Variants in PADI2 observed in about 807,000 individuals in gnomAD.
PADI2 encodes peptidyl arginine deiminase 2.
PADI2 carries 70 observed loss-of-function variants against 81.1 expected under a neutral mutation model. That is an observed-to-expected ratio of 0.86 (90% confidence interval 0.71 to 1.05). PADI2 has a LOEUF of 1.05. Ranked by LOEUF, PADI2 falls within the 50% of genes least tolerant of loss-of-function variation. The pLI, the probability that PADI2 is intolerant of heterozygous loss-of-function variation, is 0.00. For synonymous variants in PADI2, 338 were observed against 358.0 expected (o/e 0.94, Z 0.63); for missense variants, 853 against 889.9 (o/e 0.96, Z 0.53).
chr1:17,079,480 C>A (rs1035484637), intron 10 of PADI2, 65 bp from the exon 11 acceptor site: 1 of 1,403,382 alleles, frequency 7.1e-7, no homozygotes. Context: ...CCAAGCCAGC[C>A]ACCCTCTTTT....
intron 3 of PADI2, among the ~76,000 whole-genome samples, chr1:17,101,206 T>C (rs1220156846): frequency 1.3e-5 from 2 of 152,188 alleles, no homozygotes; most frequent in Admixed American, 1.3e-4. Flanking sequence ...TGAGCGGGCT[T>C]CCTCTAAGCA....
chr1:17,079,038 G>C, intron 11 of PADI2: 1 of 396,174 alleles, frequency 2.5e-6, no homozygotes, highest in Non-Finnish European at 4.6e-6. Context: ...TTCCACTTGG[G>C]GAAAAGAGTT....
intron 13 of PADI2, among the ~76,000 whole-genome samples, chr1:17,072,063 C>G (rs1483227596): frequency 6.6e-6 from 1 of 152,200 alleles, no homozygotes; most frequent in African/African-American, 2.4e-5. Context: ...TGGATCCTCC[C>G]CACATTTCTA....
chr1:17,101,544 G>C (rs1212107826), intron 3 of PADI2, among the ~76,000 whole-genome samples: 1 of 152,084 alleles, frequency 6.6e-6, no homozygotes. Flanking sequence ...CCCTCACCAA[G>C]GTCATCCCGA....
Position 17,088,925 on chromosome 1 carries a change from A to AACAAC in PADI2, c.656-2227_656-2226insGTTGT, listed in dbSNP as rs1553182383. ...CCATCTCAAAAAAAAAAAAAAAAAA[A>AACAAC]AAAAAACCAAGCCTCAGAGAATTCA... On this transcript the variant is annotated intron_variant, in intron 6 of 15. Transcript: ENST00000375486. Among the ~76,000 whole-genome samples, 25 of 83,392 alleles carry AACAAC rather than the reference A, an allele frequency of 3.0e-4. 1 individual carries two copies. In the South Asian group the frequency reaches 3.1e-3, roughly 10 times the overall value. 54.7% of individuals were successfully genotyped at this position (83,392 alleles called of 152,430 possible). A position where few individuals can be genotyped will look rare whatever the true frequency, so the allele number is the denominator to read the frequency against.
intron 1 of PADI2, among the ~76,000 whole-genome samples, chr1:17,109,090 G>C (rs919073278): frequency 6.6e-5 from 10 of 152,066 alleles, no homozygotes; most frequent in African/African-American, 2.2e-4. Flanking sequence ...GAAGGCTCTG[G>C]AAAGCTGGGG....
In PADI2 at chr1:17,119,124, G is replaced by A. The variant is rs1931854568; in HGVS notation, c.92+156C>T. ...GGACACAAGGTTCGGGGGTTGTCAG[G>A]TTTCTGGATGAGATTCTTAGGATTT... On this transcript the variant is annotated intron_variant, in intron 1 of 15. Coordinates refer to ENST00000375486, the MANE Select transcript of PADI2 (RefSeq NM_007365.3). The surrounding 1 kb of genome is among the most constrained non-coding windows in gnomAD (Gnocchi z 4.8). Among the ~76,000 whole-genome samples the A allele has an allele frequency of 6.6e-6, 1 of 152,070 alleles. No homozygotes were observed. The highest frequency in any genetic ancestry group is 1.5e-5 in the Non-Finnish European group (1 of 68,002).
At chr1:17,101,748 AC>A (rs550248663) in intron 3 of PADI2, among the ~76,000 whole-genome samples, 13 of 150,580 alleles carry the variant, frequency 8.6e-5, no homozygotes, top group African/African-American at 3.2e-4. Context: ...AGATTCTGAG[AC>A]CCCCCCTGAG....
intron 5 of PADI2, 82 bp from the exon 6 acceptor site, chr1:17,092,615 G>T: frequency 7.7e-7 from 1 of 1,305,654 alleles, no homozygotes; most frequent in South Asian, 1.6e-5. Context: ...TTGATAATCA[G>T]GAAAAAATCC....
chr1:17,106,860 T>C (rs1015289341), intron 1 of PADI2, among the ~76,000 whole-genome samples: 43 of 152,026 alleles, frequency 2.8e-4, no homozygotes, highest in African/African-American at 1.0e-3. Flanking sequence ...GGAAAGATCT[T>C]GTGAGGACGC....
chr1:17,103,814 T>TAA (rs11378857), intron 2 of PADI2, among the ~76,000 whole-genome samples: 23,682 of 130,646 alleles, frequency 0.18, 2,577 homozygotes, highest in African/African-American at 0.27. Context: ...GACCTGTCTC[T>TAA]AAAAAAAAAA....
chr1:17,074,329 T>G (rs1164094369), intron 13 of PADI2, among the ~76,000 whole-genome samples: 5 of 150,186 alleles, frequency 3.3e-5, no homozygotes, highest in African/African-American at 1.2e-4. Context: ...GAGGCGGAGG[T>G]TGTAGTGAGC....
intron 3 of PADI2, among the ~76,000 whole-genome samples, chr1:17,098,219 C>T (rs1931015469): frequency 1.3e-5 from 2 of 152,166 alleles, no homozygotes; most frequent in African/African-American, 4.8e-5. Context: ...AAAGCCCAGC[C>T]CAAAGTCAAA....
chr1:17,088,906 C>CAAA (rs753463253), intron 6 of PADI2, among the ~76,000 whole-genome samples: 1 of 38,816 alleles, frequency 2.6e-5, no homozygotes, highest in African/African-American at 9.1e-5. Flanking sequence ...GACTCCATCT[C>CAAA]AAAAAAAAAA....
At chr1:17,074,071 T>C (rs1401252896) in intron 13 of PADI2, among the ~76,000 whole-genome samples, 2 of 152,142 alleles carry the variant, frequency 1.3e-5, no homozygotes, top group African/African-American at 4.8e-5. Flanking sequence ...AGATTGCACA[T>C]CAGTTTCCTT....
In PADI2 at chr1:17,083,793, AC is replaced by A; in HGVS notation, c.982del (p.Val328TrpfsTer8). 6.2e-7 allele frequency: 1 copy of A among 1,613,634 alleles called. No homozygotes were observed. The highest frequency in any genetic ancestry group is 8.5e-7 in the Non-Finnish European group (1 of 1,179,580). ...YLFLKEVKNL[V>X]EKTNCELKVC... is the part of the protein sequence containing the mutation. Reference sequence around the variant, plus strand: ...CTTCAGCTCACAGTTGGTTTTCTCCACAAGGTTCTTCACCTCTTTCAGGAAC... The same window carrying A: ...CTTCAGCTCACAGTTGGTTTTCTCCAAAGGTTCTTCACCTCTTTCAGGAAC... On this transcript the variant is annotated frameshift_variant, in exon 9 of 16. Transcript: ENST00000375486. LOFTEE classifies it high-confidence loss of function.
Position 17,089,537 on chromosome 1 carries a change from G to A in PADI2, c.656-2838C>T, listed in dbSNP as rs190743886. On this transcript the variant is annotated intron_variant, in intron 6 of 15. Coordinates refer to ENST00000375486, the MANE Select transcript of PADI2 (RefSeq NM_007365.3). Reference sequence around the variant, plus strand: ...TCTGGCCAGGGGTGGTGGGGCAGGTGGAGGACACGTTCTAGTCCGTCTGCC... The same window carrying A: ...TCTGGCCAGGGGTGGTGGGGCAGGTAGAGGACACGTTCTAGTCCGTCTGCC... 5.6e-3 allele frequency among the ~76,000 whole-genome samples: 849 copies of A among 152,290 alleles called. 4 individuals carry two copies. Among genetic ancestry groups the A allele is most frequent in the Middle Eastern group, 0.017 (5 of 294 alleles).
intron 1 of PADI2, among the ~76,000 whole-genome samples, chr1:17,110,560 T>C (rs1569595231): frequency 6.6e-6 from 1 of 152,192 alleles, no homozygotes; most frequent in African/African-American, 2.4e-5. Context: ...TGCCTACCCA[T>C]ACAAGAATAT....
intron 6 of PADI2, among the ~76,000 whole-genome samples, chr1:17,090,744 C>T (rs764491465): frequency 2.0e-5 from 3 of 151,934 alleles, no homozygotes; most frequent in East Asian, 1.9e-4. Context: ...CTCCAAGGGA[C>T]GTTCTCAAAG....
Sources: gnomAD v4.1 joint callset for allele counts (sites outside exome capture counted in the v4.1 genomes callset) on GRCh38, gnomAD v4.1.1 for gene constraint, Gnocchi (gnomAD v3.1) non-coding constraint, MANE v1.5 for transcripts, NCBI Gene and HGNC (gene_info 2026-07-23, HGNC 2026-07-21) for gene names.